Variants in ZNF324B observed in about 807,000 individuals in gnomAD.
ZNF324B encodes zinc finger protein 324B.
A neutral mutation model predicts 10.6 loss-of-function variants in ZNF324B; 7 were observed. The ratio of observed to expected loss-of-function variants is 0.66; its 90% CI spans 0.38 to 1.24. The LOEUF (loss-of-function observed/expected upper bound fraction) is 1.24. Ranked by LOEUF, ZNF324B falls within the 50% of genes most tolerant of loss-of-function variation. ZNF324B has a pLI of 0.02. For synonymous variants in ZNF324B, 316 were observed against 321.0 expected (o/e 0.98, Z 0.17); for missense variants, 640 against 764.7 (o/e 0.84, Z 1.92).
At chr19:58,447,276 C>T (rs1341721460), upstream of ZNF324B, among the ~76,000 whole-genome samples, 5 of 152,330 alleles carry the variant, frequency 3.3e-5, no homozygotes, top group East Asian at 9.6e-4. Flanking sequence ...CCATGCCTGG[C>T]CGACAATGCA....
the ZNF324B span, chr19:58,441,625 C>T: frequency 2.0e-4 from 30 of 152,206 alleles, no homozygotes; most frequent in Admixed American, 2.0e-3. Context: ...GTCTGGAGAC[C>T]TGTGAGTGGA....
chr19:58,451,052 G>A (rs1043929454), upstream of ZNF324B, among the ~76,000 whole-genome samples: 32 of 152,328 alleles, frequency 2.1e-4, no homozygotes, highest in African/African-American at 7.5e-4. Flanking sequence ...CAAGACAAAT[G>A]ACAAGCGGGT....
chr19:58,428,412 A>G, the ZNF324B span, among the ~76,000 whole-genome samples: 3 of 152,214 alleles, frequency 2.0e-5, no homozygotes, highest in South Asian at 6.2e-4. Context: ...ACCAGGAGAT[A>G]TGGGAAATCT....
At chr19:58,448,455 T>A (rs544691087), upstream of ZNF324B, among the ~76,000 whole-genome samples, 77 of 152,356 alleles carry the variant, frequency 5.1e-4, no homozygotes, top group Non-Finnish European at 7.5e-4. Flanking sequence ...CCGGGTGCAG[T>A]GGCTCACGCC....
the ZNF324B span, among the ~76,000 whole-genome samples, chr19:58,422,679 A>C: frequency 2.0e-5 from 3 of 152,194 alleles, no homozygotes; most frequent in East Asian, 5.8e-4. Flanking sequence ...CCTGGGAATA[A>C]ATTTAACCAA....
intron 3 of ZNF324B, 176 bp downstream of exon 3, chr19:58,454,520 G>T: frequency 1.7e-6 from 1 of 600,356 alleles, no homozygotes; most frequent in Non-Finnish European, 3.0e-6. Flanking sequence ...TGAAGGGAGA[G>T]CTCCAAGGGC....
At chr19:58,440,574 C>G in the ZNF324B span, 1 of 152,446 alleles carries the variant, frequency 6.6e-6, no homozygotes, top group South Asian at 2.0e-4. Flanking sequence ...GAAACAGGAG[C>G]GAGGAAGGCA....
At chr19:58,424,914 A>C in the ZNF324B span, among the ~76,000 whole-genome samples, 1 of 152,204 alleles carries the variant, frequency 6.6e-6, no homozygotes, top group African/African-American at 2.4e-5. Context: ...TAACACAAGG[A>C]CTTGTACACA....
chr19:58,433,513 C>T, the ZNF324B span: 59 of 1,613,880 alleles, frequency 3.7e-5, no homozygotes, highest in Admixed American at 8.3e-5. Flanking sequence ...TCTCTGATGA[C>T]GAACCAGGTG....
the ZNF324B span, among the ~76,000 whole-genome samples, chr19:58,438,000 G>T: frequency 2.6e-4 from 39 of 152,180 alleles, no homozygotes; most frequent in African/African-American, 8.2e-4. Context: ...CTTGGCTTGG[G>T]GACTCAGCTT....
At chr19:58,442,503 G>A in the ZNF324B span, 20 of 153,050 alleles carry the variant, frequency 1.3e-4, no homozygotes, top group South Asian at 2.1e-4. Flanking sequence ...TGGTGTGTCC[G>A]GAGTTTGTTC....
chr19:58,434,915 C>T, the ZNF324B span: 12 of 1,614,168 alleles, frequency 7.4e-6, no homozygotes, highest in East Asian at 2.2e-5. Context: ...ATAAGTGCGT[C>T]CCTGTCCTTG....
the ZNF324B span, among the ~76,000 whole-genome samples, chr19:58,438,479 T>TA: frequency 6.7e-6 from 1 of 148,650 alleles, no homozygotes; most frequent in African/African-American, 2.6e-5. Context: ...TCAATTTTTT[T>TA]TTTTTTTTTT....
chr19:58,456,900 C>G lies in ZNF324B; in HGVS notation c.*321C>G, dbSNP rs557532928. On this transcript the variant is annotated 3_prime_UTR_variant, in exon 4 of 4. Transcript: ENST00000336614. This position sits in a 1 kb window ranked among gnomAD's most constrained non-coding sequence, Gnocchi z 4.7. ...AAGGCAGCGCTGCATGGTGGTGCTACTTCATGTGTTATGAGAGTGGATGCT... is the reference window on the plus strand; with the variant it reads ...AAGGCAGCGCTGCATGGTGGTGCTAGTTCATGTGTTATGAGAGTGGATGCT... 2 of 442,126 alleles carry G rather than the reference C, an allele frequency of 4.5e-6. No individual in the cohort carries two copies. The highest frequency in any genetic ancestry group is 8.2e-6 in the Non-Finnish European group (2 of 242,710). 27.4% of individuals were successfully genotyped at this position (442,126 alleles called of 1,614,324 possible).
the ZNF324B span, among the ~76,000 whole-genome samples, chr19:58,421,390 A>G: frequency 6.6e-6 from 1 of 152,046 alleles, no homozygotes; most frequent in South Asian, 2.1e-4. Flanking sequence ...ACGGAAGCCA[A>G]TCCACATTGT....
the ZNF324B span, chr19:58,439,868 C>G: frequency 6.5e-7 from 1 of 1,527,620 alleles, no homozygotes. Context: ...AACCCTCACA[C>G]TTCCGCTGGG....
At chr19:58,432,459 C>T in the ZNF324B span, 1 of 376,772 alleles carries the variant, frequency 2.7e-6, no homozygotes, top group Admixed American at 3.4e-5. Flanking sequence ...CTACCCAAAT[C>T]CCTGGTTATT....
At chr19:58,434,456 G>T in the ZNF324B span, 14 of 1,614,086 alleles carry the variant, frequency 8.7e-6, no homozygotes, top group Non-Finnish European at 1.2e-5. Flanking sequence ...GTGAGTTTGT[G>T]GTTGAAGGTT....
upstream of ZNF324B, among the ~76,000 whole-genome samples, chr19:58,448,443 G>C (rs2052837072): frequency 6.6e-6 from 1 of 152,232 alleles, no homozygotes; most frequent in Non-Finnish European, 1.5e-5. Context: ...AAAGTATCTG[G>C]TCCGGGTGCA....
Sources: allele counts gnomAD v4.1 joint callset (sites outside exome capture counted in the v4.1 genomes callset), GRCh38; gene constraint gnomAD v4.1.1; non-coding constraint Gnocchi (gnomAD v3.1); transcripts MANE v1.5; gene names NCBI Gene and HGNC (gene_info 2026-07-23, HGNC 2026-07-21).